Variants in HOMER1 observed in about 807,000 individuals in gnomAD.
HOMER1 encodes homer protein homolog 1.
A neutral mutation model predicts 48.9 loss-of-function variants in HOMER1; 3 were observed. That is an observed-to-expected ratio of 0.06 (90% CI 0.03 to 0.16). HOMER1 has a LOEUF of 0.16. Ranked by LOEUF, HOMER1 falls within the 10% of genes least tolerant of loss-of-function variation. HOMER1 has a pLI of 1.00. For synonymous variants in HOMER1, 134 were observed against 146.4 expected, an observed-to-expected ratio of 0.92 and a Z score of 0.61; for missense variants, 247 against 411.4, an observed-to-expected ratio of 0.60 and a Z score of 3.46.
At chr5:79,427,850 GT>G (rs929671055) in intron 5 of HOMER1, among the ~76,000 whole-genome samples, 1 of 115,486 alleles carries the variant, frequency 8.7e-6, no homozygotes, top group East Asian at 2.3e-4. Flanking sequence ...TTCCTTCAAG[GT>G]TTTTTTATAT....
chr5:79,495,214 T>C (rs1388536854), intron 1 of HOMER1, among the ~76,000 whole-genome samples: 1 of 152,192 alleles, frequency 6.6e-6, no homozygotes, highest in Non-Finnish European at 1.5e-5. Flanking sequence ...TAACATGACA[T>C]AGTCATGATC....
chr5:79,476,183 C>A lies in HOMER1; in HGVS notation c.6-19165G>T, dbSNP rs142114580. On this transcript the variant is annotated intron_variant, in intron 1 of 8. Coordinates refer to ENST00000334082, the MANE Select transcript of HOMER1 (RefSeq NM_004272.5). ...CACTGCTCATCTCTCCTCCTTTCCA[C>A]ATCTCTTCCAATTGAAATGATGAAA... Among the ~76,000 whole-genome samples, 1,154 of 152,304 alleles carry A rather than the reference C, an allele frequency of 7.6e-3. 15 individuals carry two copies. The highest frequency in any genetic ancestry group is 0.061 in the South Asian group (293 of 4,822).
rs1314904007 is a variant in HOMER1, at chr5:79,503,532, GAGAAAAAA to G, written c.5+9230_5+9237del. ...TGACAGAGTGAGACTCTGTCACAAA[GAGAAAAAA>G]AAAAAAAAAAAAAACAGAGGCCAGG... On this transcript the variant is annotated intron_variant, in intron 1 of 8. Coordinates refer to ENST00000334082, the MANE Select transcript of HOMER1 (RefSeq NM_004272.5). Among the ~76,000 whole-genome samples the G allele has an allele frequency of 6.3e-3, 588 of 94,022 alleles. 4 individuals are homozygous for G. Among genetic ancestry groups the G allele is most frequent in the African/African-American group, 0.021 (559 of 26,698 alleles). The allele number at this position is 94,022 out of a possible 152,430, so 61.7% of individuals were successfully genotyped here.
chr5:79,457,296 T>C (rs1326482116), intron 1 of HOMER1, among the ~76,000 whole-genome samples: 2 of 152,228 alleles, frequency 1.3e-5, no homozygotes, highest in African/African-American at 4.8e-5. Context: ...TGGCACATTC[T>C]TAGTCTTTCA....
At chr5:79,442,648 C>T (rs1350412584) in intron 4 of HOMER1, among the ~76,000 whole-genome samples, 1 of 152,200 alleles carries the variant, frequency 6.6e-6, no homozygotes, top group African/African-American at 2.4e-5. Context: ...GAAAACAAGG[C>T]CCTCTCTTTA....
At chr5:79,478,062 T>A (rs919704005) in intron 1 of HOMER1, among the ~76,000 whole-genome samples, 3 of 152,184 alleles carry the variant, frequency 2.0e-5, no homozygotes, top group Non-Finnish European at 4.4e-5. Context: ...GAAGCAGAAA[T>A]GGCATTTTAA....
chr5:79,474,527 A>G (rs1225201468), intron 1 of HOMER1, among the ~76,000 whole-genome samples: 2 of 152,176 alleles, frequency 1.3e-5, no homozygotes, highest in Admixed American at 1.3e-4. Flanking sequence ...CAACCCACTC[A>G]GTATCTTAAT....
intron 1 of HOMER1, among the ~76,000 whole-genome samples, chr5:79,475,108 T>G (rs976755468): frequency 1.3e-5 from 2 of 152,214 alleles, no homozygotes; most frequent in African/African-American, 4.8e-5. Context: ...TTTAAAGAGC[T>G]TAACATGTGG....
intron 1 of HOMER1, among the ~76,000 whole-genome samples, chr5:79,502,380 GAGA>G (rs1239308735): frequency 6.6e-6 from 1 of 151,958 alleles, no homozygotes; most frequent in African/African-American, 2.4e-5. Flanking sequence ...TAAAACCCAA[GAGA>G]AGTTCTCTTT....
At chr5:79,440,704 T>G (rs774603620) in intron 4 of HOMER1, among the ~76,000 whole-genome samples, 1 of 152,186 alleles carries the variant, frequency 6.6e-6, no homozygotes, top group Non-Finnish European at 1.5e-5. Context: ...CAGAAAAAAT[T>G]TAACCAGCCA....
chr5:79,393,101 C>T (rs1335024439), intron 8 of HOMER1, among the ~76,000 whole-genome samples: 1 of 151,984 alleles, frequency 6.6e-6, no homozygotes, highest in Admixed American at 6.5e-5. Context: ...TTCTGTAAGA[C>T]TGAAATTATT....
intron 2 of HOMER1, among the ~76,000 whole-genome samples, chr5:79,455,913 T>C (rs888320289): frequency 2.0e-5 from 3 of 152,090 alleles, no homozygotes; most frequent in South Asian, 2.1e-4. Flanking sequence ...TCCCAGCACT[T>C]TGGGAGGCTG....
At chr5:79,412,347 TA>T (rs1310854545) in intron 5 of HOMER1, among the ~76,000 whole-genome samples, 1 of 152,170 alleles carries the variant, frequency 6.6e-6, no homozygotes, top group Non-Finnish European at 1.5e-5. Context: ...TCCAGTCTAC[TA>T]AAAAATACTT....
At chr5:79,504,751 A>G (rs1752701688) in intron 1 of HOMER1, among the ~76,000 whole-genome samples, 1 of 152,258 alleles carries the variant, frequency 6.6e-6, no homozygotes, top group Non-Finnish European at 1.5e-5. Flanking sequence ...TAAATATAAA[A>G]GAATCCAAAA....
intron 8 of HOMER1, among the ~76,000 whole-genome samples, chr5:79,378,349 T>C (rs1038875089): frequency 1.3e-4 from 20 of 148,600 alleles, no homozygotes; most frequent in Non-Finnish European, 3.0e-4. Flanking sequence ...CCTGGGAAAA[T>C]ATAAGAAAGG....
chr5:79,478,808 C>A (rs897035950), intron 1 of HOMER1, among the ~76,000 whole-genome samples: 2 of 151,952 alleles, frequency 1.3e-5, no homozygotes, highest in African/African-American at 2.4e-5. Flanking sequence ...AAAAATTAGC[C>A]GGGTATGATG....
chr5:79,459,628 A>G (rs1026227813), intron 1 of HOMER1, among the ~76,000 whole-genome samples: 3 of 152,232 alleles, frequency 2.0e-5, no homozygotes, highest in African/African-American at 7.2e-5. Context: ...CATACTAATA[A>G]ATGATTCAAA....
intron 2 of HOMER1, among the ~76,000 whole-genome samples, chr5:79,454,753 A>G (rs1751122924): frequency 1.3e-5 from 2 of 152,148 alleles, no homozygotes; most frequent in Admixed American, 1.3e-4. Context: ...AAACAGACAA[A>G]AAGTTTAGCA....
chr5:79,506,800 G>A (rs1752783795), intron 1 of HOMER1, among the ~76,000 whole-genome samples: 1 of 152,004 alleles, frequency 6.6e-6, no homozygotes, highest in South Asian at 2.1e-4. Context: ...TGGCACCACT[G>A]CACTCCAGCA....
Sources: allele counts gnomAD v4.1 joint callset (sites outside exome capture counted in the v4.1 genomes callset), GRCh38; gene constraint gnomAD v4.1.1; transcripts MANE v1.5; gene names NCBI Gene and HGNC (gene_info 2026-07-23, HGNC 2026-07-21).